TDRP: variants seen among roughly 807,000 people sequenced by gnomAD.
The protein encoded by TDRP is testis development related protein.
Under a neutral mutation model 10.5 loss-of-function variants are expected in TDRP, and 12 were observed. That is an observed-to-expected ratio of 1.15 (90% confidence interval 0.73 to 1.86). The LOEUF (loss-of-function observed/expected upper bound fraction) is 1.86, where lower values mean the gene tolerates loss of function less well. Among genes scored for constraint, TDRP ranks in the 40% most tolerant of loss-of-function variants. The pLI is 0.00. For synonymous variants in TDRP, 139 were observed against 95.4 expected, an observed-to-expected ratio of 1.46 and a Z score of -2.67; for missense variants, 353 against 229.2, an observed-to-expected ratio of 1.54 and a Z score of -3.49.
chr8:528,344 G>C (rs1802092249), intron 1 of TDRP, among the ~76,000 whole-genome samples: 1 of 152,198 alleles, frequency 6.6e-6, no homozygotes, highest in African/African-American at 2.4e-5. Context: ...ATGGAGAACA[G>C]TTTGGAGGTT....
At chr8:501,101 A>C (rs1801284070) in intron 1 of TDRP, among the ~76,000 whole-genome samples, 1 of 151,902 alleles carries the variant, frequency 6.6e-6, no homozygotes. Flanking sequence ...GCTACTCTGG[A>C]GGCTGAGGCA....
chr8:509,485 T>A (rs2116772642), intron 1 of TDRP, among the ~76,000 whole-genome samples: 1 of 152,306 alleles, frequency 6.6e-6, no homozygotes, highest in South Asian at 2.1e-4. Context: ...AGCCAAGGAT[T>A]GGGGCTTGCA....
At position 506,063 on chromosome 8, in the gene TDRP, C is replaced by T. The variant is rs375026266; in HGVS notation, c.109-11466G>A. Among the ~76,000 whole-genome samples, 7 of 152,188 alleles carry T rather than the reference C, an allele frequency of 4.6e-5. 1 individual carries two copies. Among genetic ancestry groups the T allele is most frequent in the South Asian group, 4.2e-4 (2 of 4,812 alleles). Reference sequence around the variant, plus strand: ...TTCTCCTCACCCATTCAGCCATGGCCGCTTTCCACTGCCACAAAGACAGAG... The same window carrying T: ...TTCTCCTCACCCATTCAGCCATGGCTGCTTTCCACTGCCACAAAGACAGAG... On this transcript the variant is annotated intron_variant, in intron 1 of 2. Coordinates refer to ENST00000324079, the MANE Select transcript of TDRP (RefSeq NM_001384899.1).
chr8:530,434 C>A (rs1169920554), intron 1 of TDRP, among the ~76,000 whole-genome samples: 3 of 151,770 alleles, frequency 2.0e-5, no homozygotes, highest in African/African-American at 7.3e-5. Context: ...TATTTTTTTG[C>A]TGGGATTTGG....
chr8:539,740 G>T (rs1584886208), intron 1 of TDRP, among the ~76,000 whole-genome samples: 1 of 152,174 alleles, frequency 6.6e-6, no homozygotes, highest in East Asian at 1.9e-4. Flanking sequence ...CTGGATTTCA[G>T]AGCGATCGTC....
At chr8:502,663 C>G (rs1243208992) in intron 1 of TDRP, among the ~76,000 whole-genome samples, 1 of 152,120 alleles carries the variant, frequency 6.6e-6, no homozygotes, top group African/African-American at 2.4e-5. Flanking sequence ...CAGCACACAT[C>G]AACACGGAAT....
chr8:507,513 T>C (rs1211662260), intron 1 of TDRP, among the ~76,000 whole-genome samples: 2 of 152,096 alleles, frequency 1.3e-5, no homozygotes, highest in Non-Finnish European at 2.9e-5. Flanking sequence ...TCAGCAGCAA[T>C]TACTGGAATT....
intron 2 of TDRP, 112 bp from the exon 3 acceptor site, chr8:492,856 TAACACAA>T (rs1801020831): frequency 1.2e-6 from 1 of 822,992 alleles, no homozygotes; most frequent in South Asian, 2.4e-5. Context: ...TTTAGAAAAC[TAACACAA>T]GTCTATATGA....
chr8:543,671 G>C (rs908177211), intron 1 of TDRP, among the ~76,000 whole-genome samples: 2 of 151,922 alleles, frequency 1.3e-5, no homozygotes, highest in Non-Finnish European at 2.9e-5. Flanking sequence ...CATGAGTTAG[G>C]AATGGAATTT....
At chr8:534,452 C>T (rs763169395) in intron 1 of TDRP, among the ~76,000 whole-genome samples, 3 of 152,158 alleles carry the variant, frequency 2.0e-5, no homozygotes, top group Admixed American at 1.3e-4. Context: ...TCATTCACAC[C>T]GAACTCTCAG....
intron 1 of TDRP, among the ~76,000 whole-genome samples, chr8:511,713 T>C (rs910094149): frequency 6.6e-6 from 1 of 152,208 alleles, no homozygotes; most frequent in Non-Finnish European, 1.5e-5. Flanking sequence ...AACCTGGATA[T>C]ATTTAACAGG....
intron 1 of TDRP, among the ~76,000 whole-genome samples, chr8:519,559 G>C (rs1350568958): frequency 1.3e-5 from 2 of 151,808 alleles, no homozygotes; most frequent in East Asian, 1.9e-4. Flanking sequence ...TCTATATACA[G>C]ACTGAAAAAC....
intron 1 of TDRP, among the ~76,000 whole-genome samples, chr8:510,325 G>T (rs760850588): frequency 6.6e-6 from 1 of 152,012 alleles, no homozygotes; most frequent in South Asian, 2.1e-4. Context: ...CTATCTAGGG[G>T]CCCACTTCAA....
rs529598860 is a variant in TDRP at position 492,511 on chromosome 8, A to G, written c.446T>C (p.Leu149Pro). Reference protein sequence around the residue: ...DAKGSTKYTSLASSANSSRWS... With the variant: ...DAKGSTKYTSPASSANSSRWS... ...CCTGGAGCTGTTGGCAGAGCTGGCC[A>G]GGCTGGTGTACTTGGTCGAGCCCTT... Residue 149 changes from leucine to proline, a missense_variant, in exon 3 of 3, where the codon CTG becomes CCG. Physicochemically the swap from Leu to Pro is moderately conservative, Grantham distance 98 (BLOSUM62 -3). Transcript: ENST00000324079. 1.9e-6 allele frequency: 3 copies of G among 1,610,536 alleles called. No individual in the cohort carries two copies. The highest frequency in any genetic ancestry group is 1.1e-5 in the South Asian group (1 of 90,624).
rs1800982645 is a variant in TDRP at position 491,737 on chromosome 8, G to A, written c.*662C>T. The A allele has an allele frequency of 6.3e-6, 9 of 1,421,834 alleles. No individual in the cohort carries two copies. The East Asian group carries it at 1.1e-4, about 17-fold the overall frequency. The allele number at this position is 1,421,834 out of a possible 1,614,324, so 88.1% of individuals were successfully genotyped here. ...GGACCGATTTAGAAGTTCAAAAGAG[G>A]TAAAAATAAAATTCCAAAAAAGAAC... On this transcript the variant is annotated 3_prime_UTR_variant, in exon 3 of 3. Transcript: ENST00000324079.
chr8:516,383 G>A (rs1801758137), intron 1 of TDRP, among the ~76,000 whole-genome samples: 1 of 152,184 alleles, frequency 6.6e-6, no homozygotes. Flanking sequence ...AAGGATTGTT[G>A]TCCAAAATAT....
intron 1 of TDRP, among the ~76,000 whole-genome samples, chr8:537,495 G>T (rs1052776677): frequency 7.2e-5 from 11 of 152,184 alleles, no homozygotes; most frequent in African/African-American, 2.4e-4. Context: ...CTGTTTGCCA[G>T]AGAAAAATAT....
intron 1 of TDRP, among the ~76,000 whole-genome samples, chr8:513,930 T>C (rs774278294): frequency 3.9e-5 from 6 of 152,226 alleles, no homozygotes; most frequent in Non-Finnish European, 8.8e-5. Flanking sequence ...CTTAGGAATA[T>C]GCTTAAAATG....
chr8:513,677 T>C (rs1801676792), intron 1 of TDRP, among the ~76,000 whole-genome samples: 1 of 152,164 alleles, frequency 6.6e-6, no homozygotes, highest in African/African-American at 2.4e-5. Flanking sequence ...AAAAGTAAAA[T>C]GCATACAGAA....
Sources: allele counts gnomAD v4.1 joint callset (sites outside exome capture counted in the v4.1 genomes callset), GRCh38; gene constraint gnomAD v4.1.1; transcripts MANE v1.5; gene names NCBI Gene and HGNC (gene_info 2026-07-23, HGNC 2026-07-21).